TMEM232: variants seen among roughly 807,000 people sequenced by gnomAD.
The protein encoded by TMEM232 is transmembrane protein 232.
A neutral mutation model predicts 78.8 loss-of-function variants in TMEM232; 80 were observed. The ratio of observed to expected loss-of-function variants is 1.01; its 90% CI spans 0.85 to 1.22. The LOEUF (loss-of-function observed/expected upper bound fraction) is 1.22, where lower values mean the gene tolerates loss of function less well. TMEM232 is among the 50% of genes most tolerant of loss of function. TMEM232 has a pLI of 0.00. For synonymous variants in TMEM232, 297 were observed against 254.3 expected, an observed-to-expected ratio of 1.17 and a Z score of -1.60; for missense variants, 881 against 742.2, an observed-to-expected ratio of 1.19 and a Z score of -2.17.
intron 2 of TMEM232, among the ~76,000 whole-genome samples, chr5:110,733,241 G>T (rs966280200): frequency 6.6e-6 from 1 of 152,142 alleles, no homozygotes; most frequent in African/African-American, 2.4e-5. Flanking sequence ...CATACCGTTG[G>T]GTGGGAGTGT....
chr5:110,643,431 G>A (rs1304027455), intron 2 of TMEM232, among the ~76,000 whole-genome samples: 1 of 152,022 alleles, frequency 6.6e-6, no homozygotes, highest in Non-Finnish European at 1.5e-5. Flanking sequence ...TAGGGAAAAT[G>A]TAGAGAGAGT....
At chr5:110,713,562 T>A (rs1445972458) in intron 1 of TMEM232, among the ~76,000 whole-genome samples, 1 of 152,066 alleles carries the variant, frequency 6.6e-6, no homozygotes, top group Non-Finnish European at 1.5e-5. Flanking sequence ...AAAATAAGAC[T>A]TAAGTTTATG....
chr5:110,724,583 G>T lies in TMEM232; in HGVS notation c.-13+2044C>A, dbSNP rs1337901387. Among the ~76,000 whole-genome samples, 3 of 152,122 alleles carry T rather than the reference G, an allele frequency of 2.0e-5. No individual in the cohort carries two copies. The East Asian group carries it at 5.8e-4, about 29-fold the overall frequency. On this transcript the variant is annotated intron_variant, in intron 1 of 13. Coordinates refer to ENST00000455884, the MANE Select transcript of TMEM232 (RefSeq NM_001039763.4). ...CTCTATAACTTCCCAAAACAATCAG[G>T]AATCAAATCCTAGATCACGGCCACT...
At chr5:110,480,313 A>G (rs1163890633) in intron 12 of TMEM232, among the ~76,000 whole-genome samples, 3 of 151,986 alleles carry the variant, frequency 2.0e-5, no homozygotes, top group Non-Finnish European at 2.9e-5. Context: ...GTTAAATGGT[A>G]TATTTTCATT....
chr5:110,653,675 C>T (rs767935390), intron 2 of TMEM232, among the ~76,000 whole-genome samples: 1 of 152,044 alleles, frequency 6.6e-6, no homozygotes, highest in Non-Finnish European at 1.5e-5. Flanking sequence ...ATCATGATGT[C>T]AAGCATACAG....
At chr5:110,611,093 T>C (rs1197580552) in intron 8 of TMEM232, among the ~76,000 whole-genome samples, 2 of 152,106 alleles carry the variant, frequency 1.3e-5, no homozygotes, top group African/African-American at 4.8e-5. Context: ...AATGCAGATA[T>C]ATAAATAATT....
chr5:110,573,129 A>G lies in TMEM232; in HGVS notation c.1277-4504T>C, dbSNP rs1462081307. 3.9e-5 allele frequency among the ~76,000 whole-genome samples: 6 copies of G among 152,126 alleles called. 1 individual carries two copies. The South Asian group carries it at 1.0e-3, about 26-fold the overall frequency. On this transcript the variant is annotated intron_variant, in intron 10 of 13. Coordinates refer to ENST00000455884, the MANE Select transcript of TMEM232 (RefSeq NM_001039763.4). ...TCAAAAATTTTATTAAGAAACCACC[A>G]CTGTACTTGAAAATCAATATTATGC... is the stretch of plus-strand genomic sequence containing the variant.
intron 8 of TMEM232, among the ~76,000 whole-genome samples, chr5:110,611,876 T>C (rs1782330258): frequency 6.6e-6 from 1 of 152,076 alleles, no homozygotes; most frequent in Admixed American, 6.6e-5. Flanking sequence ...GGGAACAGTT[T>C]CGAAGTGTAA....
intron 12 of TMEM232, among the ~76,000 whole-genome samples, chr5:110,488,117 CT>C (rs1365608413): frequency 6.6e-6 from 1 of 152,038 alleles, no homozygotes; most frequent in Non-Finnish European, 1.5e-5. Flanking sequence ...TCCATATCTT[CT>C]AGTTTTTCTA....
intron 10 of TMEM232, among the ~76,000 whole-genome samples, chr5:110,580,918 C>A (rs1169883476): frequency 6.6e-6 from 1 of 151,386 alleles, no homozygotes; most frequent in African/African-American, 2.4e-5. Context: ...TTTACAATAG[C>A]CACAAAGAAA....
chr5:110,708,116 T>A (rs756436104), intron 1 of TMEM232, among the ~76,000 whole-genome samples: 58 of 152,218 alleles, frequency 3.8e-4, no homozygotes, highest in Non-Finnish European at 2.2e-4. Flanking sequence ...AAAGACTCCT[T>A]CTCTCTGCAA....
chr5:110,715,707 G>C (rs1298197871), intron 1 of TMEM232, among the ~76,000 whole-genome samples: 1 of 152,118 alleles, frequency 6.6e-6, no homozygotes, highest in East Asian at 1.9e-4. Flanking sequence ...TAACCTAAAA[G>C]ACTGGTTCAG....
chr5:110,729,538 A>G (rs529727776), upstream of TMEM232, among the ~76,000 whole-genome samples: 3 of 152,372 alleles, frequency 2.0e-5, no homozygotes, highest in East Asian at 1.9e-4. Flanking sequence ...ATCATCCACT[A>G]CAAAAGCCAA....
chr5:110,470,157 C>G (rs1244238693), intron 12 of TMEM232, among the ~76,000 whole-genome samples: 1 of 152,100 alleles, frequency 6.6e-6, no homozygotes, highest in Non-Finnish European at 1.5e-5. Context: ...GGTTCTGTTT[C>G]ATGCAGTGCA....
chr5:110,671,922 T>C (rs1266194338), intron 1 of TMEM232, among the ~76,000 whole-genome samples: 1 of 152,088 alleles, frequency 6.6e-6, no homozygotes, highest in South Asian at 2.1e-4. Context: ...TCACAAAATA[T>C]TGCATATATC....
At chr5:110,388,360 T>G (rs1336121943) in intron 4 of TMEM232, among the ~76,000 whole-genome samples, 1 of 152,108 alleles carries the variant, frequency 6.6e-6, no homozygotes, top group Non-Finnish European at 1.5e-5. Flanking sequence ...ATTTTGAACA[T>G]ACCTAGTCCC....
At chr5:110,575,909 A>C (rs1019556723) in intron 10 of TMEM232, among the ~76,000 whole-genome samples, 1 of 151,984 alleles carries the variant, frequency 6.6e-6, no homozygotes, top group African/African-American at 2.4e-5. Context: ...CCGGGAGCTT[A>C]GATGTTCTTG....
At chr5:110,539,721 G>A (rs549740131) in intron 11 of TMEM232, among the ~76,000 whole-genome samples, 5 of 152,252 alleles carry the variant, frequency 3.3e-5, no homozygotes, top group South Asian at 2.1e-4. Flanking sequence ...CTTCTTGTGC[G>A]TAGCCCAACC....
intron 1 of TMEM232, among the ~76,000 whole-genome samples, chr5:110,712,903 G>T (rs1796636527): frequency 1.3e-5 from 2 of 152,048 alleles, no homozygotes; most frequent in South Asian, 4.1e-4. Flanking sequence ...CAATATAACT[G>T]CTGTGTATAT....
Sources: allele counts gnomAD v4.1 joint callset (sites outside exome capture counted in the v4.1 genomes callset), GRCh38; gene constraint gnomAD v4.1.1; transcripts MANE v1.5; gene names NCBI Gene and HGNC (gene_info 2026-07-23, HGNC 2026-07-21).